Variants in SAMMSON observed in about 807,000 individuals in gnomAD.
The protein encoded by SAMMSON is survival associated mitochondrial melanoma specific oncogenic non-coding RNA, also known as long intergenic non-protein coding RNA 1212.
At chr3:70,192,473 T>A (rs949409659) in intron 4 of SAMMSON, among the ~76,000 whole-genome samples, 2 of 152,248 alleles carry the variant, frequency 1.3e-5, no homozygotes, top group Non-Finnish European at 2.9e-5. Flanking sequence ...ATGGAGGTGA[T>A]CTTTAAGCCA....
At chr3:70,324,963 T>C (rs899640607) in intron 7 of SAMMSON, among the ~76,000 whole-genome samples, 5 of 149,584 alleles carry the variant, frequency 3.3e-5, no homozygotes, top group African/African-American at 1.2e-4. Flanking sequence ...AAAAAAGGCA[T>C]TGGATATTGA....
chr3:70,275,807 A>G (rs1702019448), intron 6 of SAMMSON, among the ~76,000 whole-genome samples: 1 of 152,228 alleles, frequency 6.6e-6, no homozygotes, highest in South Asian at 2.1e-4. Context: ...GACCTGGTAA[A>G]TAAATTCCAT....
intron 8 of SAMMSON, among the ~76,000 whole-genome samples, chr3:70,355,072 C>T (rs983580440): frequency 6.6e-6 from 1 of 152,128 alleles, no homozygotes; most frequent in Non-Finnish European, 1.5e-5. Context: ...CTACCTACCC[C>T]TGGCCAGTGC....
At chr3:70,043,934 A>C (rs1332043588) in intron 3 of SAMMSON, among the ~76,000 whole-genome samples, 1 of 152,098 alleles carries the variant, frequency 6.6e-6, no homozygotes, top group Non-Finnish European at 1.5e-5. Flanking sequence ...ACAAAAGTTA[A>C]AGTGAACAAA....
intron 9 of SAMMSON, among the ~76,000 whole-genome samples, chr3:70,388,878 T>G (rs984385047): frequency 6.6e-6 from 1 of 152,092 alleles, no homozygotes; most frequent in East Asian, 1.9e-4. Flanking sequence ...TGATCCCTAA[T>G]GTGGCAGTGT....
intron 9 of SAMMSON, among the ~76,000 whole-genome samples, chr3:70,362,793 G>A (rs1383834188): frequency 6.8e-6 from 1 of 147,100 alleles, no homozygotes; most frequent in Non-Finnish European, 1.5e-5. Flanking sequence ...TGGTAACCCA[G>A]GAAAGATCTG....
rs191785265 is a variant in SAMMSON at position 70,331,716 on chromosome 3, A to C, written n.740-22459A>C. On this transcript the variant is annotated intron_variant and non_coding_transcript_variant, in intron 7 of 9. Transcript: ENST00000642114. The stretch of plus-strand genomic sequence containing the variant: ...AAGCACAGCTGTTTTTGTTTCTAAA[A>C]ATTGTCAGATAATTTGCACCCCTGC... Among the ~76,000 whole-genome samples the C allele has an allele frequency of 7.2e-5, 11 of 152,360 alleles. No homozygotes were observed. In the East Asian group the frequency reaches 2.1e-3, roughly 29 times the overall value.
chr3:70,185,509 T>C (rs1424151052), intron 4 of SAMMSON, among the ~76,000 whole-genome samples: 3 of 152,144 alleles, frequency 2.0e-5, no homozygotes, highest in African/African-American at 7.2e-5. Flanking sequence ...GCATAGAATA[T>C]CTAGCTATTG....
chr3:70,279,651 T>C (rs2106680069), intron 6 of SAMMSON, among the ~76,000 whole-genome samples: 1 of 152,286 alleles, frequency 6.6e-6, no homozygotes, highest in Admixed American at 6.5e-5. Flanking sequence ...GAGTCCTATT[T>C]GCATTAAGCA....
At chr3:70,434,089 A>G (rs766738006) in intron 2 of SAMMSON, among the ~76,000 whole-genome samples, 2 of 152,136 alleles carry the variant, frequency 1.3e-5, no homozygotes, top group Admixed American at 6.5e-5. Context: ...CGTCCTCTGA[A>G]TTTGTTGTCC....
At chr3:70,083,715 G>A (rs1420856188) in intron 4 of SAMMSON, among the ~76,000 whole-genome samples, 1 of 152,066 alleles carries the variant, frequency 6.6e-6, no homozygotes, top group Non-Finnish European at 1.5e-5. Context: ...TCTCAGTTCT[G>A]CATATCATTT....
At chr3:70,286,416 A>G (rs1377101574) in intron 6 of SAMMSON, among the ~76,000 whole-genome samples, 2 of 151,762 alleles carry the variant, frequency 1.3e-5, no homozygotes, top group Admixed American at 1.3e-4. Flanking sequence ...CCATTGATCT[A>G]TATCTCTGTT....
chr3:70,241,303 T>G (rs1339152530), intron 4 of SAMMSON, among the ~76,000 whole-genome samples: 1 of 152,170 alleles, frequency 6.6e-6, no homozygotes, highest in African/African-American at 2.4e-5. Flanking sequence ...TTGCTGGAAC[T>G]CATGATAAAC....
At chr3:70,041,708 A>G (rs138474458) in intron 3 of SAMMSON, among the ~76,000 whole-genome samples, 227 of 152,226 alleles carry the variant, frequency 1.5e-3, no homozygotes, top group African/African-American at 5.4e-3. Context: ...TTTCCATAGC[A>G]TTTACATTGT....
At chr3:70,319,058 C>T (rs1041835755) in intron 7 of SAMMSON, among the ~76,000 whole-genome samples, 1 of 152,012 alleles carries the variant, frequency 6.6e-6, no homozygotes, top group Non-Finnish European at 1.5e-5. Context: ...TACTTTTTGC[C>T]AGATTTATTC....
chr3:70,336,578 G>A (rs757135594), intron 7 of SAMMSON, among the ~76,000 whole-genome samples: 1 of 151,868 alleles, frequency 6.6e-6, no homozygotes, highest in Non-Finnish European at 1.5e-5. Context: ...CTGTTCTTTG[G>A]ATTGGTAAGG....
intron 7 of SAMMSON, among the ~76,000 whole-genome samples, chr3:70,350,206 A>G (rs1702783933): frequency 6.6e-6 from 1 of 152,194 alleles, no homozygotes; most frequent in Non-Finnish European, 1.5e-5. Context: ...AAAGTTATTA[A>G]TTGAAAATAA....
At chr3:70,223,661 A>C (rs1295064950) in intron 4 of SAMMSON, among the ~76,000 whole-genome samples, 1 of 152,170 alleles carries the variant, frequency 6.6e-6, no homozygotes, top group Non-Finnish European at 1.5e-5. Flanking sequence ...CATTCCCAAG[A>C]CTTAAGTCTG....
chr3:70,324,814 G>C (rs1455753486), intron 7 of SAMMSON, among the ~76,000 whole-genome samples: 1 of 151,580 alleles, frequency 6.6e-6, no homozygotes, highest in East Asian at 1.9e-4. Flanking sequence ...ACAGCGTAAT[G>C]CATCATGATA....
Sources: allele counts gnomAD v4.1 joint callset (sites outside exome capture counted in the v4.1 genomes callset), GRCh38; gene constraint gnomAD v4.1.1; transcripts MANE v1.5; gene names NCBI Gene and HGNC (gene_info 2026-07-23, HGNC 2026-07-21).